The following SOCS5 variants were observed in gnomAD, a reference collection of about 807,000 sequenced individuals.
SOCS5 encodes the protein CIS-6.
Under a neutral mutation model 42.8 loss-of-function variants are expected in SOCS5, and 32 were observed. The ratio of observed to expected loss-of-function variants is 0.75; its 90% confidence interval spans 0.56 to 1.01. SOCS5 has a LOEUF of 1.01. Ranked by LOEUF, SOCS5 falls within the 50% of genes least tolerant of loss-of-function variation. The pLI, the probability that SOCS5 is intolerant of heterozygous loss-of-function variation, is 0.00. For synonymous variants in SOCS5, 283 were observed against 229.6 expected, an observed-to-expected ratio of 1.23 and a Z score of -2.10; for missense variants, 627 against 653.0, an observed-to-expected ratio of 0.96 and a Z score of 0.43.
intron 1 of SOCS5, among the ~76,000 whole-genome samples, chr2:46,745,520 G>GC (rs1286266434): frequency 6.6e-6 from 1 of 152,100 alleles, no homozygotes; most frequent in Non-Finnish European, 1.5e-5. Context: ...TAATTGGAGA[G>GC]GAGTATGATC....
intron 1 of SOCS5, among the ~76,000 whole-genome samples, chr2:46,733,233 T>A (rs770407362): frequency 3.3e-5 from 5 of 152,118 alleles, no homozygotes; most frequent in Non-Finnish European, 7.3e-5. Flanking sequence ...TAGCTGGGAT[T>A]ACAGGCGCAT....
intron 1 of SOCS5, among the ~76,000 whole-genome samples, chr2:46,720,111 T>C (rs1449094296): frequency 6.6e-6 from 1 of 152,218 alleles, no homozygotes; most frequent in African/African-American, 2.4e-5. Context: ...TGAGTCTCAA[T>C]GTTCTCATCA....
chr2:46,751,046 G>A (rs1354960801), intron 1 of SOCS5, among the ~76,000 whole-genome samples: 6 of 152,084 alleles, frequency 3.9e-5, no homozygotes, highest in Non-Finnish European at 8.8e-5. Context: ...AGGTAGAGAA[G>A]CTGAATAGAC....
intron 1 of SOCS5, among the ~76,000 whole-genome samples, chr2:46,731,597 G>A (rs1673126600): frequency 6.6e-6 from 1 of 152,224 alleles, no homozygotes; most frequent in Non-Finnish European, 1.5e-5. Context: ...GACTGTGGAT[G>A]TGGTATGTTG....
At chr2:46,750,936 A>G (rs1192847622) in intron 1 of SOCS5, among the ~76,000 whole-genome samples, 1 of 152,196 alleles carries the variant, frequency 6.6e-6, no homozygotes, top group Non-Finnish European at 1.5e-5. Flanking sequence ...AATTCAAAAT[A>G]TGGATATGAT....
At chr2:46,717,643 T>G (rs940218125) in intron 1 of SOCS5, among the ~76,000 whole-genome samples, 6 of 152,212 alleles carry the variant, frequency 3.9e-5, no homozygotes, top group African/African-American at 1.4e-4. Flanking sequence ...GTATGTATTT[T>G]TTTCTCATCC....
intron 1 of SOCS5, among the ~76,000 whole-genome samples, chr2:46,717,542 A>C (rs770578767): frequency 3.9e-5 from 6 of 151,922 alleles, no homozygotes; most frequent in Non-Finnish European, 7.4e-5. Context: ...TTTTCTTTCA[A>C]CATTTTAAGG....
At chr2:46,756,094 T>C (rs1214163114) in intron 1 of SOCS5, among the ~76,000 whole-genome samples, 1 of 152,232 alleles carries the variant, frequency 6.6e-6, no homozygotes, top group Admixed American at 6.5e-5. Flanking sequence ...ACAAATGTTT[T>C]CTGCATATCA....
intron 1 of SOCS5, among the ~76,000 whole-genome samples, chr2:46,700,732 T>C (rs1672324201): frequency 6.6e-6 from 1 of 152,150 alleles, no homozygotes; most frequent in Non-Finnish European, 1.5e-5. Flanking sequence ...ATAGCACTCT[T>C]GAGAACATAG....
intron 1 of SOCS5, among the ~76,000 whole-genome samples, chr2:46,717,663 A>G (rs1483099683): frequency 6.6e-6 from 1 of 152,040 alleles, no homozygotes; most frequent in Non-Finnish European, 1.5e-5. Flanking sequence ...CCACTGCTCT[A>G]AAGATTTCTC....
chr2:46,726,136 G>A (rs1054655282), intron 1 of SOCS5, among the ~76,000 whole-genome samples: 3 of 151,686 alleles, frequency 2.0e-5, no homozygotes, highest in South Asian at 2.1e-4. Flanking sequence ...TCGCTCTGTC[G>A]CCCAGGCTGG....
chr2:46,745,739 C>T (rs901780464), intron 1 of SOCS5, among the ~76,000 whole-genome samples: 6 of 152,282 alleles, frequency 3.9e-5, no homozygotes, highest in African/African-American at 1.4e-4. Flanking sequence ...CCATGAAAGA[C>T]TCTGCACAAA....
intron 1 of SOCS5, among the ~76,000 whole-genome samples, chr2:46,730,268 C>G (rs1377856889): frequency 6.6e-6 from 1 of 152,068 alleles, no homozygotes; most frequent in Non-Finnish European, 1.5e-5. Flanking sequence ...TACTGTTTGT[C>G]CTAGATTTCA....
At chr2:46,722,951 G>A (rs933983065) in intron 1 of SOCS5, among the ~76,000 whole-genome samples, 1 of 151,986 alleles carries the variant, frequency 6.6e-6, no homozygotes, top group African/African-American at 2.4e-5. Flanking sequence ...CCTTCCATCT[G>A]TTCTTTTCAG....
At chr2:46,720,892 C>A (rs1045413664) in intron 1 of SOCS5, among the ~76,000 whole-genome samples, 2 of 152,140 alleles carry the variant, frequency 1.3e-5, no homozygotes, top group African/African-American at 4.8e-5. Context: ...TCCTTTCTTT[C>A]ACACGGTTCT....
rs536109167 is a variant in SOCS5, at chr2:46,707,005, TGC to T, written c.-13+7557_-13+7558del. On this transcript the variant is annotated intron_variant, in intron 1 of 1. Transcript: ENST00000394861. ...TAAAAATGCTTTAAAAATTTTTAAA[TGC>T]TGTACAAATGAGGATGGAGGAATAC... Among the ~76,000 whole-genome samples, 117 of 152,318 alleles carry T rather than the reference TGC, an allele frequency of 7.7e-4. 1 individual carries two copies. The East Asian group carries it at 0.021, about 28-fold the overall frequency.
rs534961445 is a variant in SOCS5, at chr2:46,753,128, A to G, written c.-12-5391A>G. Among the ~76,000 whole-genome samples, 27 of 152,282 alleles carry G rather than the reference A, an allele frequency of 1.8e-4. No homozygotes were observed. In the South Asian group the frequency reaches 4.8e-3, roughly 27 times the overall value. On this transcript the variant is annotated intron_variant, in intron 1 of 1. Coordinates refer to ENST00000394861, the MANE Select transcript of SOCS5 (RefSeq NM_144949.3). ...TCACTGGGTTGTGTTAACTTCAGCCATTGTTCATGTCATGCTCATTTCTGC... is the reference window on the plus strand; with the variant it reads ...TCACTGGGTTGTGTTAACTTCAGCCGTTGTTCATGTCATGCTCATTTCTGC...
Position 46,762,595 on chromosome 2 carries a change from G to T in SOCS5, c.*2454G>T, listed in dbSNP as rs1553339168. ...TGTATAATATTAATATGCAATTTTTGGTTTAAATTTTTGTCTTAAAATATT... is the reference window on the plus strand; with the variant it reads ...TGTATAATATTAATATGCAATTTTTTGTTTAAATTTTTGTCTTAAAATATT... On this transcript the variant is annotated 3_prime_UTR_variant, in exon 2 of 2. Transcript: ENST00000394861. The T allele has an allele frequency of 1.8e-5, 3 of 165,978 alleles. No individual in the cohort carries two copies. The highest frequency in any genetic ancestry group is 4.1e-4 in the South Asian group (2 of 4,832). 10.3% of individuals were successfully genotyped at this position (165,978 alleles called of 1,614,324 possible). A position where few individuals can be genotyped will look rare whatever the true frequency, so the allele number is the denominator to read the frequency against.
At chr2:46,737,442 T>C (rs868266295) in intron 1 of SOCS5, among the ~76,000 whole-genome samples, 6 of 152,224 alleles carry the variant, frequency 3.9e-5, no homozygotes, top group South Asian at 2.1e-4. Flanking sequence ...ACTCCATTCC[T>C]ACTGGGTGAC....
Sources: allele counts gnomAD v4.1 joint callset (sites outside exome capture counted in the v4.1 genomes callset), GRCh38; gene constraint gnomAD v4.1.1; transcripts MANE v1.5; gene names NCBI Gene and HGNC (gene_info 2026-07-23, HGNC 2026-07-21).